ACCSL: variants seen among roughly 807,000 people sequenced by gnomAD.
The protein encoded by ACCSL is 1-aminocyclopropane-1-carboxylate synthase homolog (inactive) like, also known as probable inactive 1-aminocyclopropane-1-carboxylate synthase-like protein 2.
In ACCSL, 55 loss-of-function variants were observed where a neutral mutation model predicts 61.7. That is an observed-to-expected ratio of 0.89 (90% CI 0.72 to 1.12). The LOEUF (loss-of-function observed/expected upper bound fraction) is 1.12, where lower values mean the gene tolerates loss of function less well. ACCSL is among the 50% of genes most tolerant of loss of function. The pLI is 0.00. For synonymous variants in ACCSL, 258 were observed against 264.3 expected (o/e 0.98, Z 0.23); for missense variants, 632 against 698.0 (o/e 0.91, Z 1.07).
chr11:44,006,974 G>A, the ACCSL span, among the ~76,000 whole-genome samples: 8 of 152,292 alleles, frequency 5.3e-5, no homozygotes, highest in African/African-American at 1.7e-4. Flanking sequence ...CTAGACGAGC[G>A]TCAAGAATCC....
At chr11:43,972,203 G>A in the ACCSL span, among the ~76,000 whole-genome samples, 1,353 of 152,250 alleles carry the variant, frequency 8.9e-3, 6 homozygotes, top group Non-Finnish European at 0.013. Flanking sequence ...AAAGAATGAA[G>A]GTGCCATTGA....
Position 44,054,453 on chromosome 11 carries a change from T to TG in ACCSL, c.1050-749_1050-748insG, listed in dbSNP as rs1221495305. ...TTTCTTTTTTTCTTTCTTTCTTTTT[T>TG]TTTTTTGTTTTTTGTTTTTTTGAGA... On this transcript the variant is annotated intron_variant, in intron 8 of 13. Coordinates refer to ENST00000378832, the MANE Select transcript of ACCSL (RefSeq NM_001031854.2). Among the ~76,000 whole-genome samples, 4 of 150,254 alleles carry TG rather than the reference T, an allele frequency of 2.7e-5. No homozygotes were observed. The East Asian group carries it at 7.8e-4, about 29-fold the overall frequency.
the ACCSL span, among the ~76,000 whole-genome samples, chr11:43,963,300 T>C: frequency 2.6e-5 from 4 of 152,236 alleles, no homozygotes; most frequent in Non-Finnish European, 5.9e-5. Flanking sequence ...TTTCACGGCA[T>C]GAAGCTAGAC....
chr11:43,951,469 G>C, the ACCSL span, among the ~76,000 whole-genome samples: 2 of 152,196 alleles, frequency 1.3e-5, no homozygotes, highest in South Asian at 2.1e-4. Flanking sequence ...GCAGGCTCCA[G>C]ACCTCTGGGG....
the ACCSL span, chr11:43,944,155 G>C: frequency 1.1e-4 from 35 of 321,502 alleles, no homozygotes; most frequent in Admixed American, 4.2e-4. Flanking sequence ...CGCAGGAGGG[G>C]CGGAGGCAGA....
At chr11:43,957,061 A>T in the ACCSL span, among the ~76,000 whole-genome samples, 1 of 152,182 alleles carries the variant, frequency 6.6e-6, no homozygotes, top group Non-Finnish European at 1.5e-5. Context: ...GGAACAATCC[A>T]TCTTGTAAAC....
At chr11:44,052,640 C>T (rs1565158983) in intron 5 of ACCSL, 22 bp from the exon 6 acceptor site, 1 of 1,601,748 alleles carries the variant, frequency 6.2e-7, no homozygotes, top group Non-Finnish European at 8.6e-7. Flanking sequence ...GGACTGATAG[C>T]TCTGTCTCTC....
chr11:44,017,631 T>C, the ACCSL span, among the ~76,000 whole-genome samples: 2 of 152,182 alleles, frequency 1.3e-5, no homozygotes, highest in Admixed American at 1.3e-4. Context: ...CAGGTTCAGA[T>C]GTTTCCTCCA....
At chr11:44,000,899 A>G in the ACCSL span, among the ~76,000 whole-genome samples, 6 of 152,324 alleles carry the variant, frequency 3.9e-5, no homozygotes, top group Non-Finnish European at 7.3e-5. Context: ...AGGTACTGAG[A>G]GACAACTATG....
At chr11:44,007,041 C>T in the ACCSL span, among the ~76,000 whole-genome samples, 1 of 152,232 alleles carries the variant, frequency 6.6e-6, no homozygotes, top group South Asian at 2.1e-4. Context: ...ACCAACACTA[C>T]CCCCGGGGGC....
At chr11:44,024,441 C>CTCTGTG in the ACCSL span, among the ~76,000 whole-genome samples, 35 of 132,098 alleles carry the variant, frequency 2.6e-4, no homozygotes, top group African/African-American at 7.5e-4. Context: ...CTCTCTCTCT[C>CTCTGTG]TGTGTGTGTG....
At chr11:43,942,658 CGAGCGCCTCG>C in the ACCSL span, 1 of 243,998 alleles carries the variant, frequency 4.1e-6, no homozygotes. Flanking sequence ...GCAGCGGCGG[CGAGCGCCTCG>C]GAGCGCGGCG....
chr11:43,923,575 A>G, the ACCSL span, among the ~76,000 whole-genome samples: 125 of 152,318 alleles, frequency 8.2e-4, no homozygotes, highest in Middle Eastern at 3.4e-3. Flanking sequence ...GCTTGAATCC[A>G]TTCTTAGATG....
intron 11 of ACCSL, among the ~76,000 whole-genome samples, chr11:44,057,862 A>T (rs1952681102): frequency 6.6e-6 from 1 of 152,206 alleles, no homozygotes; most frequent in African/African-American, 2.4e-5. Context: ...ATCAGCTCAA[A>T]CATACTAGAG....
the ACCSL span, among the ~76,000 whole-genome samples, chr11:44,032,305 A>T: frequency 6.6e-6 from 1 of 152,132 alleles, no homozygotes. Context: ...GCAGCATGGC[A>T]CTGGCTTCTG....
the ACCSL span, among the ~76,000 whole-genome samples, chr11:44,026,879 G>A: frequency 6.6e-6 from 1 of 152,110 alleles, no homozygotes; most frequent in Admixed American, 6.6e-5. Context: ...ACAGGCATGT[G>A]CTACTACGCC....
At chr11:43,946,764 G>T in the ACCSL span, among the ~76,000 whole-genome samples, 1 of 152,142 alleles carries the variant, frequency 6.6e-6, no homozygotes, top group Non-Finnish European at 1.5e-5. Flanking sequence ...CCCACAAACG[G>T]GTAGTTCTAA....
the ACCSL span, among the ~76,000 whole-genome samples, chr11:43,947,589 C>T: frequency 1.3e-5 from 2 of 152,032 alleles, no homozygotes; most frequent in Non-Finnish European, 2.9e-5. Context: ...GGAGGTCCCT[C>T]AGGGAGACAG....
chr11:44,052,612 C>T, intron 5 of ACCSL, 50 bp from the exon 6 acceptor site: 5 of 1,527,840 alleles, frequency 3.3e-6, no homozygotes, highest in Non-Finnish European at 4.5e-6. Context: ...TGGCAACAGG[C>T]TCTGATTGGG....
Sources: gnomAD v4.1 joint callset for allele counts (sites outside exome capture counted in the v4.1 genomes callset) on GRCh38, gnomAD v4.1.1 for gene constraint, MANE v1.5 for transcripts, NCBI Gene and HGNC (gene_info 2026-07-23, HGNC 2026-07-21) for gene names.